Variants in TMEM178A observed in about 807,000 individuals in gnomAD.
The protein encoded by TMEM178A is transmembrane protein 178.
A neutral mutation model predicts 29.1 loss-of-function variants in TMEM178A; 12 were observed. That is an observed-to-expected ratio of 0.41 (90% CI 0.26 to 0.67). The LOEUF (loss-of-function observed/expected upper bound fraction) is 0.67. Ranked by LOEUF, TMEM178A falls within the 30% of genes least tolerant of loss-of-function variation. TMEM178A has a pLI of 0.29. For synonymous variants in TMEM178A, 210 were observed against 187.2 expected (o/e 1.12, Z -0.99); for missense variants, 366 against 419.1 (o/e 0.87, Z 1.11).
chr2:39,666,676 C>G (rs529597548), intron 1 of TMEM178A, among the ~76,000 whole-genome samples: 5 of 152,326 alleles, frequency 3.3e-5, no homozygotes, highest in Non-Finnish European at 7.4e-5. Context: ...CCCCGGTTCT[C>G]TCTCTCTCCC....
At chr2:39,669,537 A>G (rs1374057386) in intron 1 of TMEM178A, among the ~76,000 whole-genome samples, 7 of 152,180 alleles carry the variant, frequency 4.6e-5, no homozygotes, top group Admixed American at 4.6e-4. Context: ...TTGTTTTCAC[A>G]CTCTTATTAT....
At position 39,666,095 on chromosome 2, in the gene TMEM178A, G is replaced by C. The variant is rs778007609; in HGVS notation, c.121G>C (p.Glu41Gln). ...CGAGACCGACCCCCGGCGCCACAAG[G>C]AGAGCTGCGAGCGCAGCCGCGCGGG... ...WYETDPRRHK[E>Q]SCERSRAGAD... The change falls in exon 1 of 4, where the codon GAG becomes CAG. Residue 41 changes from glutamate to glutamine, a missense_variant. By Grantham distance (29) the Glu-to-Gln change is conservative. Transcript: ENST00000281961. 8.9e-6 allele frequency: 14 copies of C among 1,566,552 alleles called. No homozygotes were observed. The South Asian group carries it at 1.5e-4, about 17-fold the overall frequency.
At chr2:39,682,151 A>G (rs1204714005) in intron 1 of TMEM178A, among the ~76,000 whole-genome samples, 1 of 152,076 alleles carries the variant, frequency 6.6e-6, no homozygotes, top group Non-Finnish European at 1.5e-5. Flanking sequence ...CCAAATAGCT[A>G]AAACCTACCT....
intron 1 of TMEM178A, among the ~76,000 whole-genome samples, chr2:39,701,966 A>G (rs999285491): frequency 1.3e-5 from 2 of 151,566 alleles, no homozygotes; most frequent in Non-Finnish European, 2.9e-5. Context: ...AGTTATTTGG[A>G]TAGGTTTTCT....
chr2:39,695,346 T>G (rs984901051), intron 1 of TMEM178A, among the ~76,000 whole-genome samples: 1 of 151,378 alleles, frequency 6.6e-6, no homozygotes, highest in Admixed American at 6.6e-5. Context: ...ACCTCTTAAA[T>G]GTTGTAATCC....
the TMEM178A span, among the ~76,000 whole-genome samples, chr2:39,728,280 T>C: frequency 1.2e-4 from 18 of 152,206 alleles, no homozygotes; most frequent in Admixed American, 7.9e-4. Flanking sequence ...TATCTCATTG[T>C]GGTTTTGATT....
At chr2:39,705,434 G>A (rs1671982434) in intron 2 of TMEM178A, among the ~76,000 whole-genome samples, 2 of 152,220 alleles carry the variant, frequency 1.3e-5, no homozygotes, top group Admixed American at 6.5e-5. Context: ...TTGGGAGGCT[G>A]TAAGATAATG....
chr2:39,694,552 A>G (rs889800649), intron 1 of TMEM178A, among the ~76,000 whole-genome samples: 7 of 152,154 alleles, frequency 4.6e-5, no homozygotes, highest in African/African-American at 1.7e-4. Context: ...CTTTGGTTGG[A>G]GTCTTACTCA....
chr2:39,735,591 C>T, the TMEM178A span, among the ~76,000 whole-genome samples: 2 of 152,238 alleles, frequency 1.3e-5, no homozygotes, highest in Admixed American at 6.5e-5. Context: ...AACGAATTCA[C>T]ATTACTGGGG....
intron 3 of TMEM178A, among the ~76,000 whole-genome samples, chr2:39,709,637 T>C (rs890628988): frequency 3.9e-5 from 6 of 152,162 alleles, no homozygotes; most frequent in African/African-American, 1.4e-4. Flanking sequence ...GGCTTAATGG[T>C]TATTTAAAAA....
At chr2:39,730,841 C>T in the TMEM178A span, among the ~76,000 whole-genome samples, 1 of 152,344 alleles carries the variant, frequency 6.6e-6, no homozygotes, top group East Asian at 1.9e-4. Flanking sequence ...ACAGGTACCA[C>T]TCTCACTTTC....
intron 1 of TMEM178A, among the ~76,000 whole-genome samples, chr2:39,702,984 A>G (rs1443219600): frequency 6.6e-6 from 1 of 152,194 alleles, no homozygotes; most frequent in Admixed American, 6.5e-5. Flanking sequence ...TCCTGTAGGT[A>G]CATTCACAGG....
In TMEM178A at chr2:39,699,290, G is replaced by A. The variant is rs115170402; in HGVS notation, c.401-4791G>A. 4.0e-3 allele frequency among the ~76,000 whole-genome samples: 605 copies of A among 152,174 alleles called. 1 individual carries two copies. Among genetic ancestry groups the A allele is most frequent in the South Asian group, 4.8e-3 (23 of 4,820 alleles). On this transcript the variant is annotated intron_variant, in intron 1 of 3. Coordinates refer to ENST00000281961, the MANE Select transcript of TMEM178A (RefSeq NM_152390.3). ...GATCCGTCTACTTCAGCCTCCCAAAGTGCTGGGATTATGGGCATAACCAAA... is the reference window on the plus strand; with the variant it reads ...GATCCGTCTACTTCAGCCTCCCAAAATGCTGGGATTATGGGCATAACCAAA...
chr2:39,697,652 C>T (rs1451475693), intron 1 of TMEM178A, among the ~76,000 whole-genome samples: 1 of 152,152 alleles, frequency 6.6e-6, no homozygotes, highest in Admixed American at 6.5e-5. Context: ...GAATTCTTGG[C>T]ACTTTAAATT....
intron 3 of TMEM178A, among the ~76,000 whole-genome samples, chr2:39,708,940 A>G (rs1177143242): frequency 1.3e-5 from 2 of 152,210 alleles, no homozygotes; most frequent in Non-Finnish European, 1.5e-5. Flanking sequence ...CTGGGCATTA[A>G]CAGTTTCACA....
At chr2:39,699,480 A>G in intron 1 of TMEM178A, among the ~76,000 whole-genome samples, 1 of 151,888 alleles carries the variant, frequency 6.6e-6, no homozygotes, top group African/African-American at 2.4e-5. Context: ...GTTTTGAGAC[A>G]GAGTCTCACT....
At chr2:39,683,366 T>C (rs756786155) in intron 1 of TMEM178A, among the ~76,000 whole-genome samples, 8 of 152,182 alleles carry the variant, frequency 5.3e-5, no homozygotes, top group Non-Finnish European at 1.0e-4. Context: ...TAAGCTTTTC[T>C]GAAGTTTTAA....
downstream of TMEM178A, among the ~76,000 whole-genome samples, chr2:39,720,228 T>TG (rs1672674746): frequency 6.6e-6 from 1 of 152,180 alleles, no homozygotes; most frequent in Admixed American, 6.5e-5. Context: ...AAGGGCCGGG[T>TG]GGGGGGTGCC....
chr2:39,667,105 C>A (rs1047498848), intron 1 of TMEM178A, among the ~76,000 whole-genome samples: 9 of 152,260 alleles, frequency 5.9e-5, no homozygotes, highest in Non-Finnish European at 1.2e-4. Flanking sequence ...CCCATACCCC[C>A]ACCCTCCTCG....
Sources: gnomAD v4.1 joint callset for allele counts (sites outside exome capture counted in the v4.1 genomes callset) on GRCh38, gnomAD v4.1.1 for gene constraint, MANE v1.5 for transcripts, NCBI Gene and HGNC (gene_info 2026-07-23, HGNC 2026-07-21) for gene names.